IL7R: variants seen among roughly 807,000 people sequenced by gnomAD.
The protein encoded by IL7R is interleukin 7 receptor, also known as interleukin-7 receptor subunit alpha.
In IL7R, 38 loss-of-function variants were observed where a neutral mutation model predicts 47.0. The observed-to-expected ratio is 0.81, with a 90% CI of 0.62 to 1.06. IL7R has a LOEUF of 1.06. Ranked by LOEUF, IL7R falls within the 50% of genes least tolerant of loss-of-function variation. IL7R has a pLI of 0.00. For missense variants in IL7R, 633 were observed against 534.8 expected, an observed-to-expected ratio of 1.18 and a Z score of -1.81; for synonymous variants, 221 against 199.8, an observed-to-expected ratio of 1.11 and a Z score of -0.89.
At position 35,867,349 on chromosome 5, in the gene IL7R, C is replaced by T. The variant is rs141698985; in HGVS notation, c.265C>T (p.Gln89Ter). Residue 89 changes from glutamine (Q) to a stop codon, truncating the protein, a stop_gained, in exon 3 of 8, where the codon CAA becomes TAA. Transcript: ENST00000303115. LOFTEE classifies it high-confidence loss of function. The stretch of plus-strand genomic sequence containing the variant: ...AAAGTGCCTGAATTTCAGGAAACTA[C>T]AAGAGATATATTTCATCGAGACAAA... ...EVKCLNFRKL[Q>*]EIYFIETKKF... 5 of 1,613,310 alleles carry T rather than the reference C, an allele frequency of 3.1e-6. No homozygotes were observed. The highest frequency in any genetic ancestry group is 3.4e-6 in the Non-Finnish European group (4 of 1,179,510).
At chr5:35,875,665 C>T (rs547428930) in intron 7 of IL7R, 78 bp downstream of exon 7, 3 of 1,100,592 alleles carry the variant, frequency 2.7e-6, no homozygotes, top group Non-Finnish European at 4.2e-6. Context: ...GGACAAGGAA[C>T]AGTTGAACCT....
intron 1 of IL7R, among the ~76,000 whole-genome samples, chr5:35,859,627 G>A (rs913308351): frequency 4.6e-5 from 7 of 152,144 alleles, no homozygotes; most frequent in African/African-American, 1.7e-4. Flanking sequence ...TTGTTGCTTT[G>A]ACTGAACCAA....
Position 35,873,305 on chromosome 5 carries a change from T to C in IL7R, c.538-175T>C. On this transcript the variant is annotated intron_variant, in intron 4 of 7. Coordinates refer to ENST00000303115, the MANE Select transcript of IL7R (RefSeq NM_002185.5). Reference sequence around the variant, plus strand: ...CAACATCCTTTATAAGCTCAGATTCTGTCCCTAATTTTGCTGTTGACTCCT... The same window carrying C: ...CAACATCCTTTATAAGCTCAGATTCCGTCCCTAATTTTGCTGTTGACTCCT... 6.0e-6 allele frequency: 4 copies of C among 661,516 alleles called. No homozygotes were observed. The South Asian group carries it at 6.8e-5, about 11-fold the overall frequency. The allele number at this position is 661,516 out of a possible 1,614,324, so 41.0% of individuals were successfully genotyped here.
intron 1 of IL7R, 126 bp downstream of exon 1, chr5:35,857,185 T>C: frequency 4.3e-6 from 3 of 694,922 alleles, no homozygotes; most frequent in Non-Finnish European, 7.6e-6. Flanking sequence ...TTCCCACATA[T>C]TCAGTCATTT....
chr5:35,859,947 A>C (rs1759756579), intron 1 of IL7R, among the ~76,000 whole-genome samples: 2 of 72,398 alleles, frequency 2.8e-5, no homozygotes, highest in East Asian at 4.8e-4. Context: ...TATTTATTCC[A>C]GCCTCACTTT....
rs1395300626 is a variant in IL7R at position 35,877,852 on chromosome 5, G to C, written c.*1366G>C. ...AACTGAGTAATGTCAGCTCAGCAAA[G>C]TGCAGCAAACCCATCTCCCACAGGC... On this transcript the variant is annotated 3_prime_UTR_variant, in exon 8 of 8. Transcript: ENST00000303115. 2.1e-5 allele frequency: 5 copies of C among 233,178 alleles called. No individual in the cohort carries two copies. Among genetic ancestry groups the C allele is most frequent in the Non-Finnish European group, 4.2e-5 (5 of 118,094 alleles). 14.4% of individuals were successfully genotyped at this position (233,178 alleles called of 1,614,324 possible).
chr5:35,862,608 G>A (rs558732457), intron 2 of IL7R, among the ~76,000 whole-genome samples: 2 of 152,190 alleles, frequency 1.3e-5, no homozygotes, highest in East Asian at 3.9e-4. Flanking sequence ...CTGGAGTTCA[G>A]AGCCCTTAAA....
Position 35,876,548 on chromosome 5 carries a change from A to G in IL7R, c.*62A>G. On this transcript the variant is annotated 3_prime_UTR_variant, in exon 8 of 8. Coordinates refer to ENST00000303115, the MANE Select transcript of IL7R (RefSeq NM_002185.5). ...CAAAGATGATTTAAAAGGGAAGTCTAGAGTTCCTAGTCTCCCTCACAGCAC... is the reference window on the plus strand; with the variant it reads ...CAAAGATGATTTAAAAGGGAAGTCTGGAGTTCCTAGTCTCCCTCACAGCAC... The G allele has an allele frequency of 6.4e-7, 1 of 1,561,656 alleles. No individual in the cohort carries two copies. The highest frequency in any genetic ancestry group is 8.7e-7 in the Non-Finnish European group (1 of 1,147,068).
Position 35,856,919 on chromosome 5 carries a change from CTCAT to C in IL7R, c.-53_-50del, listed in dbSNP as rs1759655118. 2.1e-6 allele frequency: 2 copies of C among 973,658 alleles called. No homozygotes were observed. Among genetic ancestry groups the C allele is most frequent in the Admixed American group, 1.7e-5 (1 of 59,174 alleles). 60.3% of individuals were successfully genotyped at this position (973,658 alleles called of 1,614,324 possible). A position where few individuals can be genotyped will look rare whatever the true frequency, so the allele number is the denominator to read the frequency against. On this transcript the variant is annotated 5_prime_UTR_variant, in exon 1 of 8. Transcript: ENST00000303115. ...CCTCCCTCCCTCCCTTCCTCTTACT[CTCAT>C]TCATTTCATACACACTGGCTCACAC...
At chr5:35,867,987 C>T (rs1218458414) in intron 3 of IL7R, among the ~76,000 whole-genome samples, 1 of 152,166 alleles carries the variant, frequency 6.6e-6, no homozygotes, top group East Asian at 1.9e-4. Context: ...AAGAAATTGA[C>T]TTTTGTGGTT....
chr5:35,872,137 G>T (rs1760086959), intron 4 of IL7R, among the ~76,000 whole-genome samples: 2 of 152,146 alleles, frequency 1.3e-5, no homozygotes, highest in African/African-American at 4.8e-5. Context: ...AGAAAGGAAG[G>T]ATTATGAATA....
chr5:35,866,527 G>A (rs759440297), intron 2 of IL7R, among the ~76,000 whole-genome samples: 1 of 152,012 alleles, frequency 6.6e-6, no homozygotes, highest in Non-Finnish European at 1.5e-5. Flanking sequence ...TAACCATCAA[G>A]CATAGAGTTT....
intron 2 of IL7R, among the ~76,000 whole-genome samples, chr5:35,863,917 T>A (rs1389830): frequency 6.6e-6 from 1 of 152,006 alleles, no homozygotes; most frequent in African/African-American, 2.4e-5. Flanking sequence ...GTAAAATTTA[T>A]GTGTGGTAAA....
intron 1 of IL7R, among the ~76,000 whole-genome samples, chr5:35,858,984 C>T (rs1417959753): frequency 6.6e-6 from 1 of 152,156 alleles, no homozygotes; most frequent in Non-Finnish European, 1.5e-5. Context: ...TTTTTCAGCT[C>T]ACGTCATGTA....
intron 1 of IL7R, among the ~76,000 whole-genome samples, chr5:35,857,820 A>T (rs1759697218): frequency 6.6e-6 from 1 of 152,180 alleles, no homozygotes; most frequent in African/African-American, 2.4e-5. Context: ...CAGCAGCAGG[A>T]GGCATGTGGG....
intron 1 of IL7R, among the ~76,000 whole-genome samples, chr5:35,860,137 A>G (rs75007333): frequency 0.023 from 3,471 of 152,260 alleles, 62 homozygotes; most frequent in Non-Finnish European, 0.036. Flanking sequence ...TACTGCGTCT[A>G]TAGAAGAATC....
intron 3 of IL7R, among the ~76,000 whole-genome samples, chr5:35,870,734 C>T (rs1760050729): frequency 6.6e-6 from 1 of 152,140 alleles, no homozygotes; most frequent in Non-Finnish European, 1.5e-5. Flanking sequence ...CATCTTGTGG[C>T]TCCACCGTCT....
rs140174728 is a variant in IL7R, at chr5:35,878,329, T to C, written c.*1843T>C. 4.3e-6 allele frequency: 1 copy of C among 233,140 alleles called. No individual in the cohort carries two copies. Among genetic ancestry groups the C allele is most frequent in the African/African-American group, 2.2e-5 (1 of 45,374 alleles). 14.4% of individuals were successfully genotyped at this position (233,140 alleles called of 1,614,324 possible). A position where few individuals can be genotyped will look rare whatever the true frequency, so the allele number is the denominator to read the frequency against. On this transcript the variant is annotated 3_prime_UTR_variant, in exon 8 of 8. Transcript: ENST00000303115. ...AGGCATTTATGGAAAGCCTGCTACATGTCAATCATACTGTTAGGCACAGGG... is the reference window on the plus strand; with the variant it reads ...AGGCATTTATGGAAAGCCTGCTACACGTCAATCATACTGTTAGGCACAGGG...
In IL7R at chr5:35,872,211, T is replaced by A. The variant is rs10060353; in HGVS notation, c.537+998T>A. On this transcript the variant is annotated intron_variant, in intron 4 of 7. Coordinates refer to ENST00000303115, the MANE Select transcript of IL7R (RefSeq NM_002185.5). ...AGATAAATTCAATAAATACATGAAT[T>A]TTTTTGAGATGGAGTCTTGCTCAGT... is the stretch of plus-strand genomic sequence containing the variant. Among the ~76,000 whole-genome samples the A allele has an allele frequency of 9.2e-3, 1,398 of 152,276 alleles. 18 individuals are homozygous for A. The highest frequency in any genetic ancestry group is 0.033 in the African/African-American group (1,360 of 41,550).
Sources: allele counts gnomAD v4.1 joint callset (sites outside exome capture counted in the v4.1 genomes callset), GRCh38; gene constraint gnomAD v4.1.1; transcripts MANE v1.5; gene names NCBI Gene and HGNC (gene_info 2026-07-23, HGNC 2026-07-21).